The following CWC27 variants were observed in gnomAD, a reference collection of about 807,000 sequenced individuals.
CWC27 encodes the protein spliceosome-associated protein CWC27 homolog.
In CWC27, 47 loss-of-function variants were observed where a neutral mutation model predicts 63.6. The ratio of observed to expected loss-of-function variants is 0.74; its 90% CI spans 0.58 to 0.94. CWC27 has a LOEUF of 0.94. Ranked by LOEUF, CWC27 falls within the 40% of genes least tolerant of loss-of-function variation. The pLI, the probability that CWC27 is intolerant of heterozygous loss-of-function variation, is 0.00. For missense variants in CWC27, 495 were observed against 554.3 expected, an observed-to-expected ratio of 0.89 and a Z score of 1.07; for synonymous variants, 175 against 179.8, an observed-to-expected ratio of 0.97 and a Z score of 0.22.
At chr5:64,831,703 C>T (rs551201447) in intron 10 of CWC27, among the ~76,000 whole-genome samples, 193 of 151,866 alleles carry the variant, frequency 1.3e-3, no homozygotes, top group African/African-American at 4.3e-3. Flanking sequence ...CTCATGTACC[C>T]CTTGAACCTA....
chr5:64,952,596 G>A (rs1421676161), intron 11 of CWC27, among the ~76,000 whole-genome samples: 5 of 151,918 alleles, frequency 3.3e-5, no homozygotes, highest in Admixed American at 1.3e-4. Context: ...CTTTCATCCC[G>A]TCATTTTTAT....
chr5:64,852,867 G>C (rs186557994), intron 10 of CWC27, among the ~76,000 whole-genome samples: 221 of 151,078 alleles, frequency 1.5e-3, no homozygotes, highest in Non-Finnish European at 1.9e-3. Context: ...ATAAATTACT[G>C]TTCCTTTGAA....
intron 11 of CWC27, among the ~76,000 whole-genome samples, chr5:64,969,916 T>C (rs920017144): frequency 6.6e-6 from 1 of 152,102 alleles, no homozygotes; most frequent in Admixed American, 6.5e-5. Context: ...AGATGAAGTA[T>C]TTGCAGTATC....
At chr5:64,809,505 C>T (rs1163169736) in intron 10 of CWC27, among the ~76,000 whole-genome samples, 1 of 152,088 alleles carries the variant, frequency 6.6e-6, no homozygotes, top group Non-Finnish European at 1.5e-5. Context: ...GTAGCTGGGA[C>T]TACAGGAGCG....
At chr5:64,894,300 A>G (rs1747315711) in intron 11 of CWC27, among the ~76,000 whole-genome samples, 1 of 152,140 alleles carries the variant, frequency 6.6e-6, no homozygotes, top group Non-Finnish European at 1.5e-5. Context: ...AGAGCAAAGT[A>G]ATAGAACTAG....
In CWC27 at chr5:64,819,349, G is replaced by A. The variant is rs369994538; in HGVS notation, c.938+14963G>A. 1.7e-4 allele frequency among the ~76,000 whole-genome samples: 26 copies of A among 152,052 alleles called. 1 individual carries two copies. The highest frequency in any genetic ancestry group is 1.5e-3 in the East Asian group (8 of 5,194). ...TTACCTAGGTAAGAAACCTTCGTGT[G>A]TACCCCCGAACCTAAAATAAAGTTA... On this transcript the variant is annotated intron_variant, in intron 10 of 13. Coordinates refer to ENST00000381070, the MANE Select transcript of CWC27 (RefSeq NM_005869.4).
intron 10 of CWC27, among the ~76,000 whole-genome samples, chr5:64,871,439 G>A (rs889665378): frequency 1.3e-5 from 2 of 152,096 alleles, no homozygotes; most frequent in African/African-American, 4.8e-5. Context: ...GGAAGTGGAA[G>A]AGAGAGGAGT....
chr5:64,772,624 CAAAAAAAAAAAAAAAAAAAA>C lies in CWC27; in HGVS notation c.43-2055_43-2036del, dbSNP rs58675990. On this transcript the variant is annotated intron_variant, in intron 1 of 13. Coordinates refer to ENST00000381070, the MANE Select transcript of CWC27 (RefSeq NM_005869.4). ...TCTGGGAGACAGTGAGACTCTGTCT[CAAAAAAAAAAAAAAAAAAAA>C]AAAAAAAAAAAGTCCAGGCGCAGTG... Among the ~76,000 whole-genome samples, 170 of 52,184 alleles carry C rather than the reference CAAAAAAAAAAAAAAAAAAAA, an allele frequency of 3.3e-3. 3 individuals carry two copies. The highest frequency in any genetic ancestry group is 0.019 in the Admixed American group (76 of 4,056). The allele number at this position is 52,184 out of a possible 152,430, so 34.2% of individuals were successfully genotyped here.
At position 64,924,980 on chromosome 5, in the gene CWC27, C is replaced by T. The variant is rs541503277; in HGVS notation, c.1042+39434C>T. Among the ~76,000 whole-genome samples, 4 of 152,138 alleles carry T rather than the reference C, an allele frequency of 2.6e-5. No homozygotes were observed. The South Asian group carries it at 8.3e-4, about 32-fold the overall frequency. ...AGACACACACACACACACACACACACACACACACGAAAATTCACAAAATAA... is the reference window on the plus strand; with the variant it reads ...AGACACACACACACACACACACACATACACACACGAAAATTCACAAAATAA... On this transcript the variant is annotated intron_variant, in intron 11 of 13. Transcript: ENST00000381070.
intron 10 of CWC27, among the ~76,000 whole-genome samples, chr5:64,852,679 G>A (rs139590830): frequency 6.6e-6 from 1 of 151,912 alleles, no homozygotes; most frequent in East Asian, 1.9e-4. Context: ...CACCATGTTG[G>A]TCAGGTTGGT....
At position 64,798,162 on chromosome 5, in the gene CWC27, T is replaced by C. The variant is rs76235238; in HGVS notation, c.670-2086T>C. ...CTTGTTTAAGTTATTTGATGTTCAC[T>C]GTACACTTTTGCAGATAATCTCATT... On this transcript the variant is annotated intron_variant, in intron 7 of 13. Coordinates refer to ENST00000381070, the MANE Select transcript of CWC27 (RefSeq NM_005869.4). 1.8e-3 allele frequency among the ~76,000 whole-genome samples: 267 copies of C among 152,344 alleles called. 1 individual carries two copies. The highest frequency in any genetic ancestry group is 3.3e-3 in the Non-Finnish European group (227 of 68,018).
chr5:64,933,495 C>CTTT (rs763750959), intron 11 of CWC27, among the ~76,000 whole-genome samples: 4 of 138,528 alleles, frequency 2.9e-5, no homozygotes, highest in African/African-American at 5.4e-5. Flanking sequence ...TTTTCTTTCT[C>CTTT]TTTTTTTTTT....
intron 10 of CWC27, among the ~76,000 whole-genome samples, chr5:64,830,325 G>A (rs1745484942): frequency 6.6e-6 from 1 of 151,926 alleles, no homozygotes; most frequent in Non-Finnish European, 1.5e-5. Flanking sequence ...CAAGAAATGG[G>A]GAAAGGATTC....
intron 1 of CWC27, among the ~76,000 whole-genome samples, chr5:64,772,892 G>A (rs1371397121): frequency 2.0e-5 from 3 of 151,184 alleles, no homozygotes; most frequent in African/African-American, 7.3e-5. Flanking sequence ...AGCCGAGATC[G>A]TGCCGTTGCA....
At chr5:64,817,750 A>G (rs1480090707) in intron 10 of CWC27, among the ~76,000 whole-genome samples, 1 of 152,022 alleles carries the variant, frequency 6.6e-6, no homozygotes, top group African/African-American at 2.4e-5. Context: ...ACTCTTTATT[A>G]TTTAGATATA....
intron 11 of CWC27, among the ~76,000 whole-genome samples, chr5:64,964,832 C>A (rs1463206930): frequency 1.3e-5 from 2 of 152,112 alleles, no homozygotes; most frequent in East Asian, 3.9e-4. Context: ...TCTTGTTAGT[C>A]CACCTATAGT....
At chr5:65,010,090 C>T (rs547127690) in intron 13 of CWC27, among the ~76,000 whole-genome samples, 1 of 152,206 alleles carries the variant, frequency 6.6e-6, no homozygotes, top group South Asian at 2.1e-4. Flanking sequence ...TGAGTGCATA[C>T]CACAGAGGTT....
intron 11 of CWC27, among the ~76,000 whole-genome samples, chr5:64,927,811 T>G (rs1748148573): frequency 6.6e-6 from 1 of 152,198 alleles, no homozygotes; most frequent in African/African-American, 2.4e-5. Context: ...ATCATTTCTT[T>G]GGATTTCTAG....
intron 11 of CWC27, among the ~76,000 whole-genome samples, chr5:64,924,023 G>C (rs1316765081): frequency 6.6e-6 from 1 of 151,870 alleles, no homozygotes; most frequent in African/African-American, 2.4e-5. Context: ...CTTCACTTCT[G>C]TTAACTCATC....
Sources: gnomAD v4.1 joint callset for allele counts (sites outside exome capture counted in the v4.1 genomes callset) on GRCh38, gnomAD v4.1.1 for gene constraint, MANE v1.5 for transcripts, NCBI Gene and HGNC (gene_info 2026-07-23, HGNC 2026-07-21) for gene names.